Variants in PHTF1 observed in about 807,000 individuals in gnomAD.
PHTF1 encodes putative homeodomain transcription factor 1.
PHTF1 carries 88 observed loss-of-function variants against 102.4 expected under a neutral mutation model. The observed-to-expected ratio is 0.86, with a 90% CI of 0.72 to 1.03. The LOEUF (loss-of-function observed/expected upper bound fraction) is 1.03, where lower values mean the gene tolerates loss of function less well. Among genes scored for constraint, PHTF1 ranks in the 50% least tolerant of loss-of-function variants. The pLI, the probability that PHTF1 is intolerant of heterozygous loss-of-function variation, is 0.00. For synonymous variants in PHTF1, 289 were observed against 305.2 expected (o/e 0.95, Z 0.55); for missense variants, 814 against 909.5 (o/e 0.89, Z 1.35).
At chr1:113,704,043 A>C in intron 15 of PHTF1, 38 bp downstream of exon 15, 1 of 1,351,766 alleles carries the variant, frequency 7.4e-7, no homozygotes, top group African/African-American at 1.4e-5. Flanking sequence ...CTATAATAGA[A>C]TTTTCATTTT....
chr1:113,726,522 T>C lies in PHTF1; in HGVS notation c.384A>G (p.Val128=). The part of the protein sequence containing the change: ...LMMPIVNISE[V]LGPLCLMLLM... ...GTAGCATAAGGCACAAGGGTCCAAG[T>C]ACTTCACTTATGTTCACAATAGGCA... The change falls in exon 6 of 19, where the codon GTA becomes GTG. Residue 128 remains valine (V), a synonymous_variant. Coordinates refer to ENST00000369604, the MANE Select transcript of PHTF1 (RefSeq NM_001323043.2). The C allele has an allele frequency of 6.2e-7, 1 of 1,608,026 alleles. No individual in the cohort carries two copies. Among genetic ancestry groups the C allele is most frequent in the Non-Finnish European group, 8.5e-7 (1 of 1,175,786 alleles).
chr1:113,735,310 G>A (rs1402179001), intron 5 of PHTF1, among the ~76,000 whole-genome samples: 1 of 124,700 alleles, frequency 8.0e-6, no homozygotes, highest in African/African-American at 3.1e-5. Context: ...AGGTTGCAGT[G>A]AGCCAAGACC....
At chr1:113,711,888 A>G (rs1430985526) in intron 9 of PHTF1, 52 bp downstream of exon 9, 2 of 1,601,608 alleles carry the variant, frequency 1.2e-6, no homozygotes, top group Non-Finnish European at 1.7e-6. Context: ...ATGCTTTGTT[A>G]CTAACTTCAA....
chr1:113,739,704 T>C (rs1277613336), intron 3 of PHTF1, among the ~76,000 whole-genome samples: 1 of 152,216 alleles, frequency 6.6e-6, no homozygotes, highest in Non-Finnish European at 1.5e-5. Flanking sequence ...TTGTATTTGT[T>C]AACCAACCGT....
intron 5 of PHTF1, 109 bp from the exon 6 acceptor site, chr1:113,726,683 C>G: frequency 4.1e-6 from 3 of 723,002 alleles, no homozygotes; most frequent in Non-Finnish European, 6.3e-6. Context: ...AAAAAGTACA[C>G]AAATAAATAG....
chr1:113,699,903 T>C, intron 16 of PHTF1, 104 bp from the exon 17 acceptor site: 1 of 697,128 alleles, frequency 1.4e-6, no homozygotes, highest in Non-Finnish European at 2.3e-6. Flanking sequence ...TAAAATAAAT[T>C]TTGAAATTCC....
Position 113,697,655 on chromosome 1 carries a change from A to G in PHTF1, c.*50T>C. The G allele has an allele frequency of 7.3e-7, 1 of 1,365,924 alleles. No homozygotes were observed. The highest frequency in any genetic ancestry group is 1.0e-6 in the Non-Finnish European group (1 of 955,646). 84.6% of individuals were successfully genotyped at this position (1,365,924 alleles called of 1,614,324 possible). A position where few individuals can be genotyped will look rare whatever the true frequency, so the allele number is the denominator to read the frequency against. On this transcript the variant is annotated 3_prime_UTR_variant, in exon 19 of 19. Transcript: ENST00000369604. ...GTTTCTGCAGTCATCACTTTCCTTG[A>G]TAGGTAAGTTTTGATACCAGCCAGG...
At chr1:113,729,029 C>T (rs984522879) in intron 5 of PHTF1, among the ~76,000 whole-genome samples, 4 of 152,170 alleles carry the variant, frequency 2.6e-5, no homozygotes, top group Non-Finnish European at 5.9e-5. Flanking sequence ...AAGTGTCCAT[C>T]AGCAGATGAA....
At chr1:113,703,839 T>C (rs1329156787) in intron 15 of PHTF1, 1 of 451,838 alleles carries the variant, frequency 2.2e-6, no homozygotes. Flanking sequence ...AACCATATGA[T>C]AGTTTTATTA....
At chr1:113,708,693 T>C (rs1350308887) in intron 11 of PHTF1, among the ~76,000 whole-genome samples, 1 of 152,064 alleles carries the variant, frequency 6.6e-6, no homozygotes, top group Non-Finnish European at 1.5e-5. Context: ...TAGTGTGGTA[T>C]TAAGAAATAC....
At chr1:113,728,799 C>T (rs1303747609) in intron 5 of PHTF1, among the ~76,000 whole-genome samples, 5 of 152,138 alleles carry the variant, frequency 3.3e-5, no homozygotes, top group African/African-American at 9.7e-5. Flanking sequence ...ATCCCAGCTA[C>T]TTGGGAGGCT....
At chr1:113,746,445 T>G (rs1657246515) in intron 3 of PHTF1, among the ~76,000 whole-genome samples, 1 of 152,202 alleles carries the variant, frequency 6.6e-6, no homozygotes, top group African/African-American at 2.4e-5. Flanking sequence ...CAGGAAGAAT[T>G]CTTCTCTTAT....
In PHTF1 at chr1:113,737,793, C is replaced by T. The variant is rs907231866; in HGVS notation, c.331+317G>A. 2.6e-5 allele frequency among the ~76,000 whole-genome samples: 4 copies of T among 152,042 alleles called. No homozygotes were observed. In the South Asian group the frequency reaches 6.2e-4, roughly 24 times the overall value. On this transcript the variant is annotated intron_variant, in intron 5 of 18. Coordinates refer to ENST00000369604, the MANE Select transcript of PHTF1 (RefSeq NM_001323043.2). ...CAGCCTGGGTGACAGAGAGAGACCC[C>T]GTCTCAAAAACAAAAACAAAAAACA...
Position 113,701,583 on chromosome 1 carries a change from T to A in PHTF1, c.1891-634A>T, listed in dbSNP as rs1025337069. On this transcript the variant is annotated intron_variant, in intron 15 of 18. Transcript: ENST00000369604. ...GAAAAACAGGAAGTCACCAAGCAGC[T>A]GCCCTCTCCATCTCGCTTCCCCCAG... Among the ~76,000 whole-genome samples the A allele has an allele frequency of 3.4e-4, 51 of 151,986 alleles. 5 individuals carry two copies.
At chr1:113,702,213 T>C (rs533366948) in intron 15 of PHTF1, among the ~76,000 whole-genome samples, 9 of 151,998 alleles carry the variant, frequency 5.9e-5, no homozygotes, top group Non-Finnish European at 1.2e-4. Flanking sequence ...TATTAGACTA[T>C]AAAAAATTAA....
intron 1 of PHTF1, 91 bp downstream of exon 1, chr1:113,758,932 G>A (rs1034258372): frequency 1.7e-5 from 20 of 1,175,688 alleles, no homozygotes; most frequent in African/African-American, 1.1e-4. Context: ...TATATCGGGC[G>A]AGCGTGTTCG....
Position 113,711,811 on chromosome 1 carries a change from A to C in PHTF1, c.982T>G (p.Cys328Gly), listed in dbSNP as rs147533901. The C allele has an allele frequency of 6.2e-7, 1 of 1,613,850 alleles. No homozygotes were observed. The highest frequency in any genetic ancestry group is 1.3e-5 in the African/African-American group (1 of 74,926). Residue 328 changes from cysteine (C) to glycine (G), a missense_variant, in exon 10 of 19, where the codon TGT becomes GGT. Transcript: ENST00000369604. ...CTATCTGAATCCCGCACAATATGAC[A>C]CCACCTTGTAGTGGTTTTCTTTACC... is the stretch of plus-strand genomic sequence containing the variant. ...SQVKKTTTRW[C>G]HIVRDSDSLA...
chr1:113,757,561 T>C (rs2101749510), intron 3 of PHTF1, 138 bp downstream of exon 3: 2 of 645,044 alleles, frequency 3.1e-6, no homozygotes, highest in South Asian at 1.9e-5. Context: ...TCATTATGCT[T>C]GCACTGCTTT....
intron 5 of PHTF1, among the ~76,000 whole-genome samples, chr1:113,737,450 T>C (rs113297858): frequency 4.1e-4 from 63 of 152,334 alleles, no homozygotes; most frequent in African/African-American, 1.5e-3. Flanking sequence ...GGGAATCACC[T>C]GTATATCAAT....
Sources: allele counts gnomAD v4.1 joint callset (sites outside exome capture counted in the v4.1 genomes callset), GRCh38; gene constraint gnomAD v4.1.1; transcripts MANE v1.5; gene names NCBI Gene and HGNC (gene_info 2026-07-23, HGNC 2026-07-21).